RALGPS1: variants seen among roughly 807,000 people sequenced by gnomAD.
RALGPS1 encodes ras-specific guanine nucleotide-releasing factor RalGPS1.
Under a neutral mutation model 78.8 loss-of-function variants are expected in RALGPS1, and 19 were observed. That is an observed-to-expected ratio of 0.24 (90% CI 0.17 to 0.35). The LOEUF is 0.35. Among genes scored for constraint, RALGPS1 ranks in the 10% least tolerant of loss-of-function variants. The pLI, the probability that RALGPS1 is intolerant of heterozygous loss-of-function variation, is 1.00. For synonymous variants in RALGPS1, 228 were observed against 256.3 expected, an observed-to-expected ratio of 0.89 and a Z score of 1.06; for missense variants, 454 against 688.3, an observed-to-expected ratio of 0.66 and a Z score of 3.81.
chr9:127,204,720 G>C (rs904949501), intron 14 of RALGPS1, among the ~76,000 whole-genome samples: 1 of 152,158 alleles, frequency 6.6e-6, no homozygotes, highest in Non-Finnish European at 1.5e-5. Flanking sequence ...GCCCATGTGA[G>C]GTTTACCTGT....
chr9:127,009,541 T>C lies in RALGPS1; in HGVS notation c.217-24890T>C, dbSNP rs2044160134. ...ATTAATGGTCACGGATATCTTTATT[T>C]GTGTTTCTTTGATCTAGGCCCTAGG... On this transcript the variant is annotated intron_variant, in intron 4 of 18. Coordinates refer to ENST00000259351, the MANE Select transcript of RALGPS1 (RefSeq NM_014636.3). 2.0e-5 allele frequency among the ~76,000 whole-genome samples: 3 copies of C among 152,356 alleles called. No homozygotes were observed. The South Asian group carries it at 6.2e-4, about 32-fold the overall frequency.
intron 8 of RALGPS1, among the ~76,000 whole-genome samples, chr9:127,128,861 G>A (rs2056814040): frequency 6.6e-6 from 1 of 152,208 alleles, no homozygotes; most frequent in Non-Finnish European, 1.5e-5. Flanking sequence ...GCCCTTTGAG[G>A]ACACTGTGAC....
At chr9:127,072,661 T>C (rs555767110) in intron 8 of RALGPS1, among the ~76,000 whole-genome samples, 2 of 152,250 alleles carry the variant, frequency 1.3e-5, no homozygotes, top group Non-Finnish European at 2.9e-5. Context: ...GAAGGTGTAA[T>C]GTCTCAAATT....
At chr9:126,960,291 T>C (rs1378510145) in intron 1 of RALGPS1, among the ~76,000 whole-genome samples, 4 of 148,902 alleles carry the variant, frequency 2.7e-5, no homozygotes, top group Non-Finnish European at 3.0e-5. Context: ...TGGAGTGCAG[T>C]GGTGAGATCT....
chr9:127,111,585 G>A (rs925770386), intron 8 of RALGPS1, among the ~76,000 whole-genome samples: 1 of 152,220 alleles, frequency 6.6e-6, no homozygotes, highest in East Asian at 1.9e-4. Flanking sequence ...TCAGAGCTGC[G>A]CAGAGGAGGG....
intron 8 of RALGPS1, among the ~76,000 whole-genome samples, chr9:127,074,130 C>A (rs553999356): frequency 6.6e-6 from 1 of 152,290 alleles, no homozygotes; most frequent in Admixed American, 6.5e-5. Flanking sequence ...GATCTGCCTG[C>A]CTCAGCCTCC....
chr9:127,148,317 G>T (rs1191707141), intron 8 of RALGPS1, among the ~76,000 whole-genome samples: 1 of 152,206 alleles, frequency 6.6e-6, no homozygotes, highest in Non-Finnish European at 1.5e-5. Flanking sequence ...CTGGATGTGG[G>T]GCTCCCATGG....
chr9:126,968,040 G>A (rs575900033), intron 3 of RALGPS1, among the ~76,000 whole-genome samples: 1 of 133,624 alleles, frequency 7.5e-6, no homozygotes, highest in Non-Finnish European at 1.5e-5. Context: ...GTCTCGCTCT[G>A]TCGCCAGGCT....
At chr9:127,126,142 C>A (rs140753484) in intron 8 of RALGPS1, among the ~76,000 whole-genome samples, 1 of 152,018 alleles carries the variant, frequency 6.6e-6, no homozygotes, top group Non-Finnish European at 1.5e-5. Flanking sequence ...CATACCCCAC[C>A]CCACCCCTAC....
intron 4 of RALGPS1, among the ~76,000 whole-genome samples, chr9:127,020,099 C>T (rs1424611739): frequency 2.0e-5 from 3 of 151,316 alleles, no homozygotes; most frequent in East Asian, 1.9e-4. Flanking sequence ...TTTTTTTTTC[C>T]GTCACTTTTT....
At chr9:127,017,921 T>C (rs1434048657) in intron 4 of RALGPS1, among the ~76,000 whole-genome samples, 1 of 152,138 alleles carries the variant, frequency 6.6e-6, no homozygotes, top group African/African-American at 2.4e-5. Context: ...TCTCCTATAA[T>C]AATGCCTTCT....
At chr9:127,025,812 C>T (rs978859859) in intron 4 of RALGPS1, among the ~76,000 whole-genome samples, 1 of 152,112 alleles carries the variant, frequency 6.6e-6, no homozygotes, top group East Asian at 1.9e-4. Context: ...CTGCCTCAGC[C>T]TCCTGAGTAG....
At chr9:127,071,545 C>T (rs967340738) in intron 8 of RALGPS1, among the ~76,000 whole-genome samples, 1 of 152,036 alleles carries the variant, frequency 6.6e-6, no homozygotes, top group African/African-American at 2.4e-5. Context: ...AGTTGTTTCA[C>T]CATTTCTGTT....
At chr9:126,981,697 T>G (rs1361346716) in intron 4 of RALGPS1, among the ~76,000 whole-genome samples, 1 of 152,214 alleles carries the variant, frequency 6.6e-6, no homozygotes, top group Non-Finnish European at 1.5e-5. Context: ...TTGTTTTATA[T>G]ATGAGGAAGC....
rs756481918 is a variant in RALGPS1 at position 127,188,832 on chromosome 9, T to TTAAAAAAAAAAAAAAA, written c.911-6259_911-6258insTAAAAAAAAAAAAAAA. On this transcript the variant is annotated intron_variant, in intron 11 of 18. Transcript: ENST00000259351. ...AAAGACTAAGAAACCCCATCTCTAC[T>TTAAAAAAAAAAAAAAA]AAAAAAAAAAAAAAAAATGTAGCCA... is the stretch of plus-strand genomic sequence containing the variant. Among the ~76,000 whole-genome samples the TTAAAAAAAAAAAAAAA allele has an allele frequency of 3.9e-3, 342 of 87,396 alleles. 52 individuals are homozygous for TTAAAAAAAAAAAAAAA. The highest frequency in any genetic ancestry group is 9.2e-3 in the South Asian group (17 of 1,838). The allele number at this position is 87,396 out of a possible 152,430, so 57.3% of individuals were successfully genotyped here.
chr9:126,920,680 G>GTATTCATTAACCC (rs2034661237), intron 1 of RALGPS1, among the ~76,000 whole-genome samples: 1 of 152,144 alleles, frequency 6.6e-6, no homozygotes, highest in African/African-American at 2.4e-5. Flanking sequence ...TTCTTCAGGT[G>GTATTCATTAACCC]GGCATTCATT....
intron 8 of RALGPS1, among the ~76,000 whole-genome samples, chr9:127,115,158 G>A (rs745492568): frequency 9.2e-5 from 14 of 152,134 alleles, no homozygotes; most frequent in Non-Finnish European, 1.8e-4. Flanking sequence ...GTTGGCCCCA[G>A]TTGAGGTCTG....
chr9:126,972,839 G>T (rs554673270), intron 3 of RALGPS1, among the ~76,000 whole-genome samples: 1 of 152,150 alleles, frequency 6.6e-6, no homozygotes, highest in Non-Finnish European at 1.5e-5. Context: ...TGAGGTGGGC[G>T]GATCACAAGG....
chr9:127,133,462 C>T (rs2057155711), intron 8 of RALGPS1, among the ~76,000 whole-genome samples: 1 of 152,240 alleles, frequency 6.6e-6, no homozygotes, highest in Non-Finnish European at 1.5e-5. Context: ...GCGTCCCCGT[C>T]TGCAGAGCCG....
Sources: allele counts gnomAD v4.1 joint callset (sites outside exome capture counted in the v4.1 genomes callset), GRCh38; gene constraint gnomAD v4.1.1; transcripts MANE v1.5; gene names NCBI Gene and HGNC (gene_info 2026-07-23, HGNC 2026-07-21).